The following AMBRA1 variants were observed in gnomAD, a reference collection of about 807,000 sequenced individuals.
AMBRA1 encodes the protein autophagy and beclin 1 regulator 1, also known as activating molecule in BECN1-regulated autophagy protein 1.
In AMBRA1, 47 loss-of-function variants were observed where a neutral mutation model predicts 125.4. That is an observed-to-expected ratio of 0.37 (90% CI 0.30 to 0.48). The LOEUF (loss-of-function observed/expected upper bound fraction) is 0.48. Ranked by LOEUF, AMBRA1 falls within the 20% of genes least tolerant of loss-of-function variation. The pLI is 0.99. For missense variants in AMBRA1, 1,331 were observed against 1,693.4 expected (o/e 0.79, Z 3.76); for synonymous variants, 626 against 655.5 (o/e 0.95, Z 0.69).
chr11:46,425,310 TTGTGTGTGTG>T (rs34321655), intron 14 of AMBRA1, among the ~76,000 whole-genome samples: 2,422 of 135,578 alleles, frequency 0.018, 41 homozygotes, highest in African/African-American at 0.053. Flanking sequence ...CTTGATCCAT[TTGTGTGTGTG>T]TGTGTGTGTG....
At chr11:46,559,069 T>G (rs963174502) in intron 1 of AMBRA1, among the ~76,000 whole-genome samples, 3 of 151,884 alleles carry the variant, frequency 2.0e-5, no homozygotes, top group Non-Finnish European at 2.9e-5. Flanking sequence ...GGAGGCTGAG[T>G]CGGGTGGATC....
In AMBRA1 at chr11:46,532,074, G is replaced by A. The variant is rs374534180; in HGVS notation, c.2072+9871C>T. Among the ~76,000 whole-genome samples, 34 of 150,194 alleles carry A rather than the reference G, an allele frequency of 2.3e-4. No individual in the cohort carries two copies. In the East Asian group the frequency reaches 2.4e-3, roughly 11 times the overall value. On this transcript the variant is annotated intron_variant, in intron 7 of 17. Transcript: ENST00000683756. ...GCGGAAGTTGCAGTGAGCTGAGATC[G>A]GGCCACTGCACTCTAGCCTGGGTGA...
At chr11:46,492,863 C>T (rs1950512319) in intron 11 of AMBRA1, among the ~76,000 whole-genome samples, 1 of 152,184 alleles carries the variant, frequency 6.6e-6, no homozygotes, top group South Asian at 2.1e-4. Context: ...TCCTGGCTAA[C>T]ACGTTGAAAC....
chr11:46,511,783 T>A (rs963084784), intron 8 of AMBRA1, among the ~76,000 whole-genome samples: 2 of 152,252 alleles, frequency 1.3e-5, no homozygotes, highest in African/African-American at 4.8e-5. Flanking sequence ...GTTATCACCA[T>A]CAGTGAAGGG....
At chr11:46,447,581 C>T (rs946490420) in intron 11 of AMBRA1, among the ~76,000 whole-genome samples, 16 of 152,024 alleles carry the variant, frequency 1.1e-4, no homozygotes, top group African/African-American at 3.6e-4. Flanking sequence ...GGTGTGGTGG[C>T]GTGTACCTGT....
intron 14 of AMBRA1, among the ~76,000 whole-genome samples, chr11:46,419,586 C>T (rs1946744248): frequency 6.6e-6 from 1 of 152,156 alleles, no homozygotes; most frequent in African/African-American, 2.4e-5. Context: ...CGACAGGAAG[C>T]TGAAACTCTA....
intron 1 of AMBRA1, chr11:46,591,025 C>T (rs1392385870): frequency 6.6e-6 from 1 of 152,172 alleles, no homozygotes; most frequent in Non-Finnish European, 1.5e-5. Context: ...CTCCCATCAA[C>T]ACCACCAAAT....
intron 1 of AMBRA1, among the ~76,000 whole-genome samples, chr11:46,561,296 G>A (rs1022282578): frequency 6.6e-6 from 1 of 151,770 alleles, no homozygotes; most frequent in Non-Finnish European, 1.5e-5. Flanking sequence ...CAGGAGAATC[G>A]CTTGAACCTA....
In AMBRA1 at chr11:46,506,102, G is replaced by A. The variant is rs77817298; in HGVS notation, c.2339+2089C>T. Among the ~76,000 whole-genome samples the A allele has an allele frequency of 7.2e-3, 1,096 of 152,278 alleles. 3 individuals carry two copies. The highest frequency in any genetic ancestry group is 0.012 in the Non-Finnish European group (787 of 68,026). On this transcript the variant is annotated intron_variant, in intron 9 of 17. Transcript: ENST00000683756. The stretch of plus-strand genomic sequence containing the variant: ...TGCTGGAAAAACCGTATCTACAGGA[G>A]AACATATTTCACTGTAAGTATCTGC...
chr11:46,522,312 T>G (rs968118767), intron 7 of AMBRA1, among the ~76,000 whole-genome samples: 3 of 152,234 alleles, frequency 2.0e-5, no homozygotes, highest in African/African-American at 7.2e-5. Context: ...ACTATAGTTG[T>G]AAGACTTGAA....
chr11:46,470,191 C>T (rs895182866), intron 11 of AMBRA1, among the ~76,000 whole-genome samples: 3 of 152,082 alleles, frequency 2.0e-5, no homozygotes, highest in African/African-American at 4.8e-5. Context: ...GCCTATAACC[C>T]GAGCACTTTG....
At chr11:46,457,105 G>A (rs1462196955) in intron 11 of AMBRA1, among the ~76,000 whole-genome samples, 1 of 152,200 alleles carries the variant, frequency 6.6e-6, no homozygotes, top group Non-Finnish European at 1.5e-5. Flanking sequence ...TACATTTCAG[G>A]GTACAGCATT....
At chr11:46,518,776 A>G (rs948853805) in intron 7 of AMBRA1, among the ~76,000 whole-genome samples, 2 of 152,234 alleles carry the variant, frequency 1.3e-5, no homozygotes, top group African/African-American at 2.4e-5. Flanking sequence ...TCAAAAATGA[A>G]TATTAAGCTC....
intron 11 of AMBRA1, among the ~76,000 whole-genome samples, chr11:46,486,860 C>T (rs577301963): frequency 2.6e-5 from 4 of 151,650 alleles, no homozygotes; most frequent in Non-Finnish European, 5.9e-5. Context: ...GAGCCAAGAT[C>T]GTGCCACTGC....
At chr11:46,537,029 C>T (rs530607091) in intron 7 of AMBRA1, among the ~76,000 whole-genome samples, 2 of 152,278 alleles carry the variant, frequency 1.3e-5, no homozygotes, top group East Asian at 3.9e-4. Context: ...TTTTATCTCT[C>T]TCAGTTGCTG....
chr11:46,537,268 A>G (rs1385057933), intron 7 of AMBRA1, among the ~76,000 whole-genome samples: 2 of 152,360 alleles, frequency 1.3e-5, no homozygotes, highest in African/African-American at 2.4e-5. Flanking sequence ...AGAGGTTTTG[A>G]CAAAGAAAAC....
intron 5 of AMBRA1, among the ~76,000 whole-genome samples, chr11:46,544,915 G>A (rs569420625): frequency 3.9e-5 from 6 of 151,972 alleles, no homozygotes; most frequent in East Asian, 3.9e-4. Context: ...CCAGTAGTTC[G>A]AGACTAGCCT....
intron 1 of AMBRA1, among the ~76,000 whole-genome samples, chr11:46,551,845 T>C (rs1173665985): frequency 6.6e-6 from 1 of 152,028 alleles, no homozygotes; most frequent in African/African-American, 2.4e-5. Context: ...CTGGTCAACA[T>C]GGTGAAACCC....
intron 11 of AMBRA1, among the ~76,000 whole-genome samples, chr11:46,474,594 G>T (rs1477263619): frequency 6.6e-6 from 1 of 152,070 alleles, no homozygotes; most frequent in African/African-American, 2.4e-5. Context: ...CACAATGTTG[G>T]CCAGGCTGGT....
Sources: gnomAD v4.1 joint callset for allele counts (sites outside exome capture counted in the v4.1 genomes callset) on GRCh38, gnomAD v4.1.1 for gene constraint, MANE v1.5 for transcripts, NCBI Gene and HGNC (gene_info 2026-07-23, HGNC 2026-07-21) for gene names.